The following HDAC7 variants were observed in gnomAD, a reference collection of about 807,000 sequenced individuals.
The protein encoded by HDAC7 is histone deacetylase 7.
Under a neutral mutation model 115.5 loss-of-function variants are expected in HDAC7, and 26 were observed. That is an observed-to-expected ratio of 0.23 (90% CI 0.16 to 0.31). HDAC7 has a LOEUF of 0.31. HDAC7 is among the 10% of genes least tolerant of loss of function. The pLI is 1.00. For synonymous variants in HDAC7, 564 were observed against 550.9 expected, an observed-to-expected ratio of 1.02 and a Z score of -0.33; for missense variants, 1,068 against 1,329.0, an observed-to-expected ratio of 0.80 and a Z score of 3.05.
Position 47,788,063 on chromosome 12 carries a change from C to T in HDAC7, c.2337G>A (p.Gly779=), listed in dbSNP as rs140959520. The T allele has an allele frequency of 5.4e-4, 873 of 1,612,282 alleles. 10 individuals carry two copies. The African/African-American group carries it at 0.011, about 20-fold the overall frequency. Residue 779 remains glycine (G), a synonymous_variant, in exon 20 of 26, where the codon GGG becomes GGA. Coordinates refer to ENST00000080059, the MANE Select transcript of HDAC7 (RefSeq NM_015401.5). ...CGGTTACCTCATCCACAGCCCCACT[C>T]CCCGGGAAGAAGTTGCCGTCGTCAT... ...HRHDDGNFFP[G]SGAVDEVGAG... is the part of the protein sequence containing the mutation.
At chr12:47,802,121 A>T in intron 2 of HDAC7, 103 bp downstream of exon 2, 1 of 1,274,524 alleles carries the variant, frequency 7.8e-7, no homozygotes, top group South Asian at 1.3e-5. Flanking sequence ...CAGATCAGCC[A>T]GCGACCCTGC....
In HDAC7 at chr12:47,793,561, C is replaced by T; in HGVS notation, c.1486G>A (p.Ala496Thr). ...QVLLWEQQRLAGRLPRGSTGD... is the reference protein window; with the variant it reads ...QVLLWEQQRLTGRLPRGSTGD... ...GTGCTGCCCCGGGGGAGCCGCCCAG[C>T]CAGTCGCTGCTGTTCCCAGAGCAAC... is the stretch of plus-strand genomic sequence containing the variant. The change falls in exon 13 of 26, where the codon GCT (alanine) becomes ACT (threonine). Residue 496 changes from alanine to threonine, a missense_variant. Ala to Thr is a moderately conservative substitution (Grantham distance 58, BLOSUM62 0). Transcript: ENST00000080059. This position sits in a 1 kb window ranked among gnomAD's most constrained non-coding sequence, Gnocchi z 4.5. 6.5e-7 allele frequency: 1 copy of T among 1,545,012 alleles called. No individual in the cohort carries two copies. Among genetic ancestry groups the T allele is most frequent in the Non-Finnish European group, 8.7e-7 (1 of 1,145,020 alleles).
In HDAC7 at chr12:47,789,327, T is replaced by C; in HGVS notation, c.2169A>G (p.Ser723=). Residue 723 remains serine (S), a synonymous_variant, in exon 19 of 26, where the codon TCA becomes TCG. Transcript: ENST00000080059. ...STAMGFCFFN[S]VAIACRQLQQ... is the part of the protein sequence containing the mutation. ...GCAGCTGCCGGCAGGCGATGGCCAC[T>C]GAGTTGAAGAAGCAGAAGCCCCTGG... 6.2e-7 allele frequency: 1 copy of C among 1,613,970 alleles called. No homozygotes were observed. Among genetic ancestry groups the C allele is most frequent in the Non-Finnish European group, 8.5e-7 (1 of 1,180,008 alleles).
Position 47,783,492 on chromosome 12 carries a change from A to C in HDAC7, c.*349T>G. 4 of 300,866 alleles carry C rather than the reference A, an allele frequency of 1.3e-5. No homozygotes were observed. The highest frequency in any genetic ancestry group is 2.6e-5 in the Non-Finnish European group (4 of 153,688). 18.6% of individuals were successfully genotyped at this position (300,866 alleles called of 1,614,324 possible). A position where few individuals can be genotyped will look rare whatever the true frequency, so the allele number is the denominator to read the frequency against. On this transcript the variant is annotated 3_prime_UTR_variant, in exon 26 of 26. Coordinates refer to ENST00000080059, the MANE Select transcript of HDAC7 (RefSeq NM_015401.5). ...AAGTCTGGGGTTTGCAGAGCCAGGA[A>C]TAGTGGTTAAGGGTGAGCCCGACGG...
rs149118153 is a variant in HDAC7 at position 47,810,030 on chromosome 12, T to G, written c.20-7756A>C. ...GGCACAATCTCAGCTGACTGCAACC[T>G]CTGCCTCCCGGATTCAAGTGATTCT... is the stretch of plus-strand genomic sequence containing the variant. On this transcript the variant is annotated intron_variant, in intron 1 of 25. Coordinates refer to ENST00000080059, the MANE Select transcript of HDAC7 (RefSeq NM_015401.5). Among the ~76,000 whole-genome samples the G allele has an allele frequency of 5.3e-5, 8 of 152,208 alleles. No individual in the cohort carries two copies. In the East Asian group the frequency reaches 1.4e-3, roughly 26 times the overall value.
At chr12:47,818,662 G>A (rs1416992846) in intron 1 of HDAC7, among the ~76,000 whole-genome samples, 2 of 152,232 alleles carry the variant, frequency 1.3e-5, no homozygotes, top group Non-Finnish European at 2.9e-5. Flanking sequence ...CAGGGCCGCT[G>A]AGGGCCGATG....
chr12:47,800,225 T>G (rs1454597595), intron 2 of HDAC7, among the ~76,000 whole-genome samples: 1 of 151,936 alleles, frequency 6.6e-6, no homozygotes, highest in African/African-American at 2.4e-5. Context: ...GGCTCGGAGG[T>G]GAAGGGCCCT....
At position 47,797,623 on chromosome 12, in the gene HDAC7, G is replaced by A; in HGVS notation, c.462-124C>T. 1 of 671,352 alleles carries A rather than the reference G, an allele frequency of 1.5e-6. No individual in the cohort carries two copies. Among genetic ancestry groups the A allele is most frequent in the African/African-American group, 1.8e-5 (1 of 55,316 alleles). The allele number at this position is 671,352 out of a possible 1,614,324, so 41.6% of individuals were successfully genotyped here. ...GGCAGGGCTGGGCAATGTGGGGCTG[G>A]TAGGAATGGGGACCATCTCCAGGTG... is the stretch of plus-strand genomic sequence containing the variant. On this transcript the variant is annotated intron_variant, in intron 5 of 25. Transcript: ENST00000080059. This position sits in a 1 kb window ranked among gnomAD's most constrained non-coding sequence, Gnocchi z 5.5.
chr12:47,808,646 C>T (rs1046742423), intron 1 of HDAC7, among the ~76,000 whole-genome samples: 2 of 152,194 alleles, frequency 1.3e-5, no homozygotes, highest in African/African-American at 2.4e-5. Context: ...CCTCTCGGGC[C>T]ACCACTCAGC....
At chr12:47,800,228 A>C (rs1049506108) in intron 2 of HDAC7, among the ~76,000 whole-genome samples, 8 of 152,146 alleles carry the variant, frequency 5.3e-5, no homozygotes, top group African/African-American at 1.9e-4. Context: ...TCGGAGGTGA[A>C]GGGCCCTGTC....
At chr12:47,811,755 C>T (rs1481274626) in intron 1 of HDAC7, among the ~76,000 whole-genome samples, 2 of 152,230 alleles carry the variant, frequency 1.3e-5, no homozygotes, top group African/African-American at 4.8e-5. Context: ...AGGGTTTTCA[C>T]CGCCCCCGGG....
chr12:47,796,426 C>CTTTTT (rs35550737), intron 7 of HDAC7, 128 bp from the exon 8 acceptor site: 4,736 of 462,222 alleles, frequency 0.01, 8 homozygotes, highest in Middle Eastern at 0.014. Flanking sequence ...TTCCTGCTTT[C>CTTTTT]TTTTTTTTTT....
Position 47,791,608 on chromosome 12 carries a change from T to C in HDAC7, c.1911A>G (p.Lys637=), listed in dbSNP as rs1943520487. 1.9e-6 allele frequency: 3 copies of C among 1,609,934 alleles called. No individual in the cohort carries two copies. The highest frequency in any genetic ancestry group is 1.1e-5 in the South Asian group (1 of 90,496). Reference sequence around the variant, plus strand: ...TACCTGCCAGCTTCCCGTTGTCCAGTTTGAGGCGGCTGAGCGGGTTGGTGC... The same window carrying C: ...TACCTGCCAGCTTCCCGTTGTCCAGCTTGAGGCGGCTGAGCGGGTTGGTGC... ...LYGTNPLSRL[K]LDNGKLAGLL... Residue 637 remains lysine, a synonymous_variant, in exon 15 of 26, where the codon AAA becomes AAG. Coordinates refer to ENST00000080059, the MANE Select transcript of HDAC7 (RefSeq NM_015401.5).
upstream of HDAC7, among the ~76,000 whole-genome samples, chr12:47,820,168 GGCTCCGAGCCCCAGCCGCCGCGAGGC>G (rs1251366212): frequency 2.6e-5 from 4 of 151,382 alleles, no homozygotes; most frequent in Non-Finnish European, 4.4e-5. This position sits in a 1 kb window ranked among gnomAD's most constrained non-coding sequence, Gnocchi z 4.3. Flanking sequence ...CGCCGGCCGC[GGCTCCGAGCCCCAGCCGCCGCGAGGC>G]GCTCCGAGCC....
At position 47,793,288 on chromosome 12, in the gene HDAC7, T is replaced by C; in HGVS notation, c.1678+81A>G. The C allele has an allele frequency of 1.8e-6, 2 of 1,096,808 alleles. No individual in the cohort carries two copies. The allele number at this position is 1,096,808 out of a possible 1,614,324, so 67.9% of individuals were successfully genotyped here. A position where few individuals can be genotyped will look rare whatever the true frequency, so the allele number is the denominator to read the frequency against. ...AAGCACTCTGTGGCCTCTAAAAATG[T>C]CCCAAGTGACACCAAGACACCCACA... On this transcript the variant is annotated intron_variant, in intron 13 of 25. Transcript: ENST00000080059. The surrounding 1 kb of genome is among the most constrained non-coding windows in gnomAD (Gnocchi z 4.5).
intron 12 of HDAC7, among the ~76,000 whole-genome samples, chr12:47,794,213 C>T (rs1307112536): frequency 6.6e-6 from 1 of 152,206 alleles, no homozygotes; most frequent in Non-Finnish European, 1.5e-5. Context: ...GGGAACAGCC[C>T]CTGCCCTCAC....
At position 47,798,875 on chromosome 12, in the gene HDAC7, G is replaced by T; in HGVS notation, c.168C>A (p.Pro56=). The change falls in exon 3 of 26, where the codon CCC becomes CCA. Residue 56 remains proline, a synonymous_variant. Coordinates refer to ENST00000080059, the MANE Select transcript of HDAC7 (RefSeq NM_015401.5). The surrounding 1 kb of genome is among the most constrained non-coding windows in gnomAD (Gnocchi z 4.3). ...QRPPVEPPPE[P]TLLALQRPQR... ...GGGGACGCTGCAGGGCCAGCAATGT[G>T]GGCTCTGGTGGGGGCTCCACTGGGG... The T allele has an allele frequency of 1.3e-6, 2 of 1,550,678 alleles. No individual in the cohort carries two copies. Among genetic ancestry groups the T allele is most frequent in the East Asian group, 2.4e-5 (1 of 42,458 alleles).
chr12:47,810,572 G>A (rs1321084006), intron 1 of HDAC7, among the ~76,000 whole-genome samples: 1 of 151,994 alleles, frequency 6.6e-6, no homozygotes, highest in African/African-American at 2.4e-5. Flanking sequence ...CTTTTTAAAT[G>A]TACATTTTAC....
At chr12:47,816,171 C>T (rs1380061473) in intron 1 of HDAC7, among the ~76,000 whole-genome samples, 4 of 152,102 alleles carry the variant, frequency 2.6e-5, no homozygotes, top group African/African-American at 7.2e-5. Context: ...GGATTACAGG[C>T]GTAAGTCACC....
Sources: allele counts gnomAD v4.1 joint callset (sites outside exome capture counted in the v4.1 genomes callset), GRCh38; gene constraint gnomAD v4.1.1; non-coding constraint Gnocchi (gnomAD v3.1); transcripts MANE v1.5; gene names NCBI Gene and HGNC (gene_info 2026-07-23, HGNC 2026-07-21).